Variants in SCN2A observed in about 807,000 individuals in gnomAD.
SCN2A encodes sodium voltage-gated channel alpha subunit 2.
A neutral mutation model predicts 188.7 loss-of-function variants in SCN2A; 20 were observed. The ratio of observed to expected loss-of-function variants is 0.11; its 90% CI spans 0.07 to 0.15. The LOEUF (loss-of-function observed/expected upper bound fraction) is 0.15. SCN2A is among the 10% of genes least tolerant of loss of function. The probability of loss-of-function intolerance (pLI) is 1.00; values close to 1 mark genes in which losing one functional copy is unlikely to be tolerated. For missense variants in SCN2A, 1,278 were observed against 2,445.0 expected, an observed-to-expected ratio of 0.52 and a Z score of 10.07; for synonymous variants, 804 against 833.1, an observed-to-expected ratio of 0.97 and a Z score of 0.60.
At chr2:165,322,488 T>A (rs1698126897) in intron 11 of SCN2A, among the ~76,000 whole-genome samples, 1 of 152,174 alleles carries the variant, frequency 6.6e-6, no homozygotes, top group African/African-American at 2.4e-5. Flanking sequence ...AATTAAGTTT[T>A]TGTAAATATT....
intron 1 of SCN2A, among the ~76,000 whole-genome samples, chr2:165,290,259 A>G (rs928793430): frequency 1.3e-5 from 2 of 152,160 alleles, no homozygotes; most frequent in African/African-American, 4.8e-5. Flanking sequence ...GAAGTTCTAT[A>G]ATATTGTTAA....
chr2:165,384,096 G>A (rs1701741387), intron 25 of SCN2A, among the ~76,000 whole-genome samples: 1 of 152,056 alleles, frequency 6.6e-6, no homozygotes, highest in Non-Finnish European at 1.5e-5. Flanking sequence ...GTCTAGGGTA[G>A]CTTTAGAAAG....
chr2:165,272,432 C>T (rs1418521387), intron 1 of SCN2A: 1 of 151,938 alleles, frequency 6.6e-6, no homozygotes, highest in Admixed American at 6.6e-5. Context: ...TCAATTTTAT[C>T]CCAGTAGTTG....
intron 1 of SCN2A, among the ~76,000 whole-genome samples, chr2:165,265,801 T>C (rs1694833609): frequency 6.6e-6 from 1 of 151,340 alleles, no homozygotes. Flanking sequence ...ATACTTTTTT[T>C]CCTTCTTCTT....
intron 8 of SCN2A, 100 bp from the exon 9 acceptor site, chr2:165,313,520 G>A (rs1697554952): frequency 7.0e-7 from 1 of 1,425,906 alleles, no homozygotes; most frequent in African/African-American, 1.4e-5. Context: ...CTTTTTTCTA[G>A]TGCCTGTATA....
At chr2:165,365,084 T>G in intron 17 of SCN2A, 59 bp from the exon 18 acceptor site, 1 of 1,504,940 alleles carries the variant, frequency 6.6e-7, no homozygotes, top group Non-Finnish European at 9.1e-7. Flanking sequence ...CCTAATTAAT[T>G]TTTATATTTA....
chr2:165,353,556 T>C (rs10170979), intron 16 of SCN2A, among the ~76,000 whole-genome samples: 5,358 of 152,260 alleles, frequency 0.035, 125 homozygotes, highest in Middle Eastern at 0.12. Flanking sequence ...TAGCTCATGG[T>C]TCTGCAGTGA....
In SCN2A at chr2:165,354,416, A is replaced by G; in HGVS notation, c.3144A>G (p.Lys1048=). The G allele has an allele frequency of 6.2e-7, 1 of 1,614,136 alleles. No individual in the cohort carries two copies. The change falls in exon 17 of 27, where the codon AAA becomes AAG. Residue 1048 remains lysine (K), a synonymous_variant. Transcript: ENST00000375437. Reference sequence around the variant, plus strand: ...AACCGCTTGAAGATCTAAATAATAAAAAAGACAGCTGTATTTCCAACCATA... The same window carrying G: ...AACCGCTTGAAGATCTAAATAATAAGAAAGACAGCTGTATTTCCAACCATA... ...EIKPLEDLNN[K]KDSCISNHTT...
At chr2:165,377,943 A>G (rs1701396830) in intron 23 of SCN2A, among the ~76,000 whole-genome samples, 1 of 151,850 alleles carries the variant, frequency 6.6e-6, no homozygotes, top group South Asian at 2.1e-4. Context: ...TGGCTCTGAT[A>G]GTCCTGGTCA....
chr2:165,262,820 C>G (rs1440755147), intron 1 of SCN2A, among the ~76,000 whole-genome samples: 5 of 152,088 alleles, frequency 3.3e-5, no homozygotes, highest in African/African-American at 1.2e-4. Flanking sequence ...CTTAAGAACT[C>G]TCCACATTGT....
At chr2:165,387,571 T>C (rs996378445) in intron 26 of SCN2A, among the ~76,000 whole-genome samples, 1 of 152,150 alleles carries the variant, frequency 6.6e-6, no homozygotes, top group African/African-American at 2.4e-5. Flanking sequence ...CAAAACAGAT[T>C]TGTTATCATC....
intron 1 of SCN2A, among the ~76,000 whole-genome samples, chr2:165,246,615 T>A (rs760798390): frequency 1.8e-4 from 28 of 152,196 alleles, no homozygotes; most frequent in Non-Finnish European, 3.4e-4. Context: ...TTCATAAAAG[T>A]CACTCCTTGT....
intron 11 of SCN2A, 50 bp downstream of exon 11, chr2:165,315,808 A>G (rs1246984878): frequency 1.3e-6 from 2 of 1,574,568 alleles, no homozygotes; most frequent in Non-Finnish European, 1.7e-6. Flanking sequence ...TTTTTAAAAA[A>G]ATATGCCAGA....
chr2:165,360,833 G>C (rs774112209), intron 17 of SCN2A, among the ~76,000 whole-genome samples: 41 of 151,706 alleles, frequency 2.7e-4, no homozygotes, highest in Admixed American at 6.6e-4. Flanking sequence ...TTCATATTTT[G>C]GTCACTTACT....
At chr2:165,304,227 A>AGCT (rs1383465731) in intron 3 of SCN2A, among the ~76,000 whole-genome samples, 1 of 151,938 alleles carries the variant, frequency 6.6e-6, no homozygotes, top group African/African-American at 2.4e-5. Context: ...CCTCCTGATT[A>AGCT]GCTGGGATTA....
In SCN2A at chr2:165,367,382, C is replaced by G. The variant is rs1446381901; in HGVS notation, c.3675+11C>G. 2 of 1,613,558 alleles carry G rather than the reference C, an allele frequency of 1.2e-6. No individual in the cohort carries two copies. Among genetic ancestry groups the G allele is most frequent in the South Asian group, 1.1e-5 (1 of 91,072 alleles). On this transcript the variant is annotated intron_variant, in intron 19 of 26. Transcript: ENST00000375437. ...AGCAGTGGGGCTCTGGTAGGTGATG[C>G]ATGATCCACTCCTTCACCTTTCATC...
chr2:165,351,156 C>T (rs1454623277), intron 16 of SCN2A, among the ~76,000 whole-genome samples: 2 of 152,092 alleles, frequency 1.3e-5, no homozygotes, highest in Non-Finnish European at 2.9e-5. Context: ...ACCTAGCACT[C>T]GAATTCTAAA....
At chr2:165,319,348 A>G (rs1486557583) in intron 11 of SCN2A, among the ~76,000 whole-genome samples, 1 of 152,188 alleles carries the variant, frequency 6.6e-6, no homozygotes, top group Non-Finnish European at 1.5e-5. Flanking sequence ...AAAAATAAAT[A>G]AATAAAAAAA....
At position 165,310,603 on chromosome 2, in the gene SCN2A, A is replaced by G. The variant is rs1697374053; in HGVS notation, c.970+8A>G. 1.9e-6 allele frequency: 3 copies of G among 1,598,610 alleles called. No individual in the cohort carries two copies. Among genetic ancestry groups the G allele is most frequent in the East Asian group, 2.2e-5 (1 of 44,742 alleles). On this transcript the variant is annotated splice_region_variant and intron_variant, in intron 7 of 26. Transcript: ENST00000375437. ...AATATATTGAGGATAAAAGTAAGAT[A>G]TACTCTATAAACCATTAAGTTGTTT...
Sources: allele counts gnomAD v4.1 joint callset (sites outside exome capture counted in the v4.1 genomes callset), GRCh38; gene constraint gnomAD v4.1.1; transcripts MANE v1.5; gene names NCBI Gene and HGNC (gene_info 2026-07-23, HGNC 2026-07-21).